The following TNKS variants were observed in gnomAD, a reference collection of about 807,000 sequenced individuals.
TNKS encodes the protein poly [ADP-ribose] polymerase tankyrase-1.
Under a neutral mutation model 135.8 loss-of-function variants are expected in TNKS, and 72 were observed. The observed-to-expected ratio is 0.53, with a 90% CI of 0.44 to 0.64. The LOEUF is 0.64. Ranked by LOEUF, TNKS falls within the 30% of genes least tolerant of loss-of-function variation. The pLI, the probability that TNKS is intolerant of heterozygous loss-of-function variation, is 0.00. For missense variants in TNKS, 1,769 were observed against 1,674.0 expected (o/e 1.06, Z -0.99); for synonymous variants, 849 against 649.3 (o/e 1.31, Z -4.68).
chr8:9,740,195 C>G (rs1805864274), intron 17 of TNKS, among the ~76,000 whole-genome samples: 1 of 152,036 alleles, frequency 6.6e-6, no homozygotes, highest in Admixed American at 6.6e-5. Flanking sequence ...AACTAAGGCC[C>G]ACTCAAGCCT....
rs1398299509 is a variant in TNKS, at chr8:9,558,876, C to A, written c.673+2264C>A. 4 of 152,108 alleles carry A rather than the reference C, an allele frequency of 2.6e-5. No individual in the cohort carries two copies. The South Asian group carries it at 8.3e-4, about 31-fold the overall frequency. 9.4% of individuals were successfully genotyped at this position (152,108 alleles called of 1,614,324 possible). A position where few individuals can be genotyped will look rare whatever the true frequency, so the allele number is the denominator to read the frequency against. Reference sequence around the variant, plus strand: ...CACGCTTCCGTGATTGAATTCGTAACATTAAAGTTTTATTAAACTTTAGTC... The same window carrying A: ...CACGCTTCCGTGATTGAATTCGTAAAATTAAAGTTTTATTAAACTTTAGTC... On this transcript the variant is annotated intron_variant, in intron 1 of 26. Transcript: ENST00000310430.
chr8:9,637,131 C>T (rs1235938042), intron 3 of TNKS, among the ~76,000 whole-genome samples: 1 of 152,078 alleles, frequency 6.6e-6, no homozygotes, highest in South Asian at 2.1e-4. Flanking sequence ...TATGAGTTAT[C>T]GTTCTAGATA....
At chr8:9,599,453 T>C (rs967611049) in intron 2 of TNKS, among the ~76,000 whole-genome samples, 1 of 152,224 alleles carries the variant, frequency 6.6e-6, no homozygotes, top group African/African-American at 2.4e-5. Flanking sequence ...GTGAAGTAAC[T>C]TGCCCAAGGT....
chr8:9,629,590 CT>C (rs1477318414), intron 3 of TNKS, among the ~76,000 whole-genome samples: 2 of 152,162 alleles, frequency 1.3e-5, no homozygotes, highest in Admixed American at 1.3e-4. Flanking sequence ...CTTTTTCTAC[CT>C]TTCTTCTCTT....
chr8:9,657,775 G>A lies in TNKS; in HGVS notation c.995-22176G>A, dbSNP rs1344722527. On this transcript the variant is annotated intron_variant, in intron 3 of 26. Coordinates refer to ENST00000310430, the MANE Select transcript of TNKS (RefSeq NM_003747.3). ...CCGGACGGGGCGGCTGGCCGGGCAG[G>A]GGGCTGACCCCCCCACCTCCCTCCC... Among the ~76,000 whole-genome samples the A allele has an allele frequency of 4.6e-4, 66 of 142,520 alleles. 1 individual carries two copies. Among genetic ancestry groups the A allele is most frequent in the African/African-American group, 1.4e-3 (53 of 38,382 alleles). 93.5% of individuals were successfully genotyped at this position (142,520 alleles called of 152,430 possible).
intron 1 of TNKS, chr8:9,575,148 G>A (rs551415944): frequency 3.8e-5 from 32 of 839,392 alleles, no homozygotes; most frequent in East Asian, 2.5e-4. Context: ...GTATAGGGGC[G>A]CGATCTCGGC....
chr8:9,712,357 A>G (rs1040745017), intron 11 of TNKS, among the ~76,000 whole-genome samples: 1 of 151,836 alleles, frequency 6.6e-6, no homozygotes, highest in African/African-American at 2.4e-5. Flanking sequence ...GTGTGCACCT[A>G]TAGTCCTAGC....
In TNKS at chr8:9,706,983, G is replaced by C. The variant is rs1382084965; in HGVS notation, c.1442G>C (p.Arg481Thr). The change falls in exon 8 of 27, where the codon AGG (arginine) becomes ACG (threonine). Residue 481 changes from arginine (R) to threonine (T), a missense_variant. By Grantham distance (71) the Arg-to-Thr change is moderately conservative. Coordinates refer to ENST00000310430, the MANE Select transcript of TNKS (RefSeq NM_003747.3). ...AVDMAPTPEL[R>T]ERLTYEFKGH... ...GATATGGCTCCAACTCCGGAGCTTA[G>C]GGAGAGATTGACTTGTACGTATTTA... 8 of 1,596,720 alleles carry C rather than the reference G, an allele frequency of 5.0e-6. No homozygotes were observed. Among genetic ancestry groups the C allele is most frequent in the Non-Finnish European group, 4.3e-6 (5 of 1,172,770 alleles).
chr8:9,752,270 A>G (rs955771344), intron 19 of TNKS, among the ~76,000 whole-genome samples: 3 of 152,046 alleles, frequency 2.0e-5, no homozygotes, highest in Admixed American at 6.6e-5. Context: ...TATTCTCTAT[A>G]TTTTTATAAA....
rs952254338 is a variant in TNKS, at chr8:9,730,775, A to C, written c.2002-115A>C. On this transcript the variant is annotated intron_variant, in intron 13 of 26. Coordinates refer to ENST00000310430, the MANE Select transcript of TNKS (RefSeq NM_003747.3). ...TATTGTCTAATCTTTGGAAATAAAT[A>C]TTCATTAGACAATTATAATTTACTT... is the stretch of plus-strand genomic sequence containing the variant. 7.5e-6 allele frequency: 9 copies of C among 1,201,344 alleles called. No individual in the cohort carries two copies. The African/African-American group carries it at 1.4e-4, about 18-fold the overall frequency. The allele number at this position is 1,201,344 out of a possible 1,614,324, so 74.4% of individuals were successfully genotyped here.
Position 9,751,748 on chromosome 8 carries a change from G to A in TNKS, c.2972G>A (p.Ser991Asn). 3 of 1,614,196 alleles carry A rather than the reference G, an allele frequency of 1.9e-6. No homozygotes were observed. The South Asian group carries it at 3.3e-5, about 18-fold the overall frequency. ...CCCTCCTGCCTCTCGGCTGCCAGCAGCATAGACAACCTCACTGGCCCTTTA... is the reference window on the plus strand; with the variant it reads ...CCCTCCTGCCTCTCGGCTGCCAGCAACATAGACAACCTCACTGGCCCTTTA... ...STPSCLSAASSIDNLTGPLAE... is the reference protein window; with the variant it reads ...STPSCLSAASNIDNLTGPLAE... The change falls in exon 19 of 27, where the codon AGC becomes AAC. Residue 991 changes from serine to asparagine, a missense_variant. Ser to Asn is a conservative substitution (Grantham distance 46). Coordinates refer to ENST00000310430, the MANE Select transcript of TNKS (RefSeq NM_003747.3).
intron 3 of TNKS, among the ~76,000 whole-genome samples, chr8:9,637,430 G>A (rs993853701): frequency 6.6e-6 from 1 of 152,036 alleles, no homozygotes; most frequent in Non-Finnish European, 1.5e-5. Context: ...ATGGGCCCCA[G>A]GTGAATAAAA....
At chr8:9,579,702 C>A (rs1170906903) in intron 1 of TNKS, among the ~76,000 whole-genome samples, 2 of 152,088 alleles carry the variant, frequency 1.3e-5, no homozygotes, top group Non-Finnish European at 2.9e-5. Context: ...CTCCTGACCT[C>A]AGGTGACCCG....
chr8:9,636,173 A>G (rs1004586070), intron 3 of TNKS, among the ~76,000 whole-genome samples: 1 of 152,240 alleles, frequency 6.6e-6, no homozygotes, highest in East Asian at 1.9e-4. Flanking sequence ...GCGAGAGGAT[A>G]TAAAGCACAT....
At chr8:9,586,888 C>A (rs762882595) in intron 2 of TNKS, among the ~76,000 whole-genome samples, 2 of 151,900 alleles carry the variant, frequency 1.3e-5, no homozygotes, top group African/African-American at 2.4e-5. Context: ...TCACCGTGGT[C>A]TGCTGCGAAG....
chr8:9,629,941 C>G (rs1800221916), intron 3 of TNKS, among the ~76,000 whole-genome samples: 1 of 152,174 alleles, frequency 6.6e-6, no homozygotes, highest in African/African-American at 2.4e-5. Context: ...CTCGGCCTCC[C>G]AAAGTGCTGG....
At chr8:9,588,423 C>T (rs1205053357) in intron 2 of TNKS, among the ~76,000 whole-genome samples, 4 of 152,004 alleles carry the variant, frequency 2.6e-5, no homozygotes, top group Non-Finnish European at 4.4e-5. Flanking sequence ...TACAGGCACC[C>T]GCCACCACGC....
chr8:9,648,759 A>G (rs1245663491), intron 3 of TNKS, among the ~76,000 whole-genome samples: 1 of 152,166 alleles, frequency 6.6e-6, no homozygotes, highest in African/African-American at 2.4e-5. Flanking sequence ...TTATTGACCA[A>G]AACGTCATTA....
At chr8:9,653,577 A>G (rs994525242) in intron 3 of TNKS, among the ~76,000 whole-genome samples, 3 of 151,974 alleles carry the variant, frequency 2.0e-5, no homozygotes, top group Non-Finnish European at 4.4e-5. Flanking sequence ...CACACTTTAT[A>G]ACAACTCACT....
Sources: allele counts gnomAD v4.1 joint callset (sites outside exome capture counted in the v4.1 genomes callset), GRCh38; gene constraint gnomAD v4.1.1; transcripts MANE v1.5; gene names NCBI Gene and HGNC (gene_info 2026-07-23, HGNC 2026-07-21).